Variants in HABP4 observed in about 807,000 individuals in gnomAD.
HABP4 encodes the protein intracellular hyaluronan-binding protein 4.
Under a neutral mutation model 44.1 loss-of-function variants are expected in HABP4, and 32 were observed. That is an observed-to-expected ratio of 0.73 (90% confidence interval 0.55 to 0.97). The LOEUF (loss-of-function observed/expected upper bound fraction) is 0.97, where lower values mean the gene tolerates loss of function less well. Among genes scored for constraint, HABP4 ranks in the 50% least tolerant of loss-of-function variants. The probability of loss-of-function intolerance (pLI) is 0.00; values close to 1 mark genes in which losing one functional copy is unlikely to be tolerated. For missense variants in HABP4, 503 were observed against 561.9 expected (o/e 0.90, Z 1.06); for synonymous variants, 216 against 218.0 (o/e 0.99, Z 0.08).
At chr9:96,457,821 T>C (rs1022734871) in intron 1 of HABP4, among the ~76,000 whole-genome samples, 10 of 152,116 alleles carry the variant, frequency 6.6e-5, no homozygotes, top group African/African-American at 2.4e-4. Context: ...TGAGCCAAGA[T>C]TAAACAGTGC....
Position 96,488,219 on chromosome 9 carries a change from G to A in HABP4, c.1130G>A (p.Gly377Glu), listed in dbSNP as rs1419089710. The change falls in exon 7 of 8, where the codon GGA (glycine) becomes GAA (glutamate). Residue 377 changes from glycine to glutamate, a missense_variant. Physicochemically the swap from Gly to Glu is moderately conservative, Grantham distance 98. This residue lies in a region of HABP4 where 82 missense variants were observed against 71.6 expected (regional missense o/e 1.15). Coordinates refer to ENST00000375249, the MANE Select transcript of HABP4 (RefSeq NM_014282.4). This position sits in a 1 kb window ranked among gnomAD's most constrained non-coding sequence, Gnocchi z 4.6. ...PGRGARGGTRGGRGRIRRAEN... is the reference protein window; with the variant it reads ...PGRGARGGTREGRGRIRRAEN... ...CGTGGAGCCAGAGGAGGCACCCGGG[G>A]AGGCCGGGGAAGGATCAGGAGGGCA... 5.0e-6 allele frequency: 8 copies of A among 1,613,762 alleles called. No individual in the cohort carries two copies. The highest frequency in any genetic ancestry group is 6.8e-6 in the Non-Finnish European group (8 of 1,179,758).
rs186214287 is a variant in HABP4 at position 96,477,553 on chromosome 9, T to A, written c.827+6459T>A. Among the ~76,000 whole-genome samples, 230 of 152,332 alleles carry A rather than the reference T, an allele frequency of 1.5e-3. 2 individuals are homozygous for A. The East Asian group carries it at 0.033, about 22-fold the overall frequency. ...TACCATTACTCCATTAAATTTTTTT[T>A]AATATACTTGATATCATTAATTCCA... On this transcript the variant is annotated intron_variant, in intron 5 of 7. Coordinates refer to ENST00000375249, the MANE Select transcript of HABP4 (RefSeq NM_014282.4).
intron 2 of HABP4, among the ~76,000 whole-genome samples, chr9:96,459,486 T>C (rs1482158099): frequency 1.3e-5 from 2 of 152,178 alleles, no homozygotes; most frequent in East Asian, 3.9e-4. Flanking sequence ...GTCTTATGTT[T>C]GGCACTTGCT....
At chr9:96,456,777 A>T (rs1202958466) in intron 1 of HABP4, among the ~76,000 whole-genome samples, 9 of 64,452 alleles carry the variant, frequency 1.4e-4, no homozygotes, top group Non-Finnish European at 2.5e-4. Context: ...AAAAAAAAAA[A>T]AAAATATATA....
chr9:96,461,797 C>T (rs562552419), intron 2 of HABP4, among the ~76,000 whole-genome samples: 1 of 152,236 alleles, frequency 6.6e-6, no homozygotes, highest in Admixed American at 6.5e-5. Flanking sequence ...CAAGGTGACA[C>T]CCTTTTTCAC....
intron 5 of HABP4, 184 bp from the exon 6 acceptor site, chr9:96,484,278 G>A: frequency 1.9e-6 from 1 of 520,884 alleles, no homozygotes; most frequent in Non-Finnish European, 3.4e-6. Flanking sequence ...TGTTGGCAGT[G>A]ATGACATAAA....
chr9:96,450,436 C>A lies in HABP4; in HGVS notation c.157C>A (p.Leu53Met). ...GGCCGAGCGCCGGCGCCAGCAGCAGCTGCAGCGCAAGAGGCGCGACGAGGC... is the reference window on the plus strand; with the variant it reads ...GGCCGAGCGCCGGCGCCAGCAGCAGATGCAGCGCAAGAGGCGCGACGAGGC... Reference protein sequence around the residue: ...REAERRRQQQLQRKRRDEAAA... With the variant: ...REAERRRQQQMQRKRRDEAAA... The change falls in exon 1 of 8, where the codon CTG becomes ATG. Residue 53 changes from leucine to methionine, a missense_variant. Transcript: ENST00000375249. The surrounding 1 kb of genome is among the most constrained non-coding windows in gnomAD (Gnocchi z 4.8). 1 of 1,337,922 alleles carries A rather than the reference C, an allele frequency of 7.5e-7. No individual in the cohort carries two copies. Among genetic ancestry groups the A allele is most frequent in the Non-Finnish European group, 9.7e-7 (1 of 1,028,766 alleles). The allele number at this position is 1,337,922 out of a possible 1,614,324, so 82.9% of individuals were successfully genotyped here. A position where few individuals can be genotyped will look rare whatever the true frequency, so the allele number is the denominator to read the frequency against.
chr9:96,489,033 A>T (rs1320064516), intron 7 of HABP4, among the ~76,000 whole-genome samples: 1 of 152,020 alleles, frequency 6.6e-6, no homozygotes, highest in Non-Finnish European at 1.5e-5. Flanking sequence ...ATTGGAAATC[A>T]GCCCCGAGGC....
intron 1 of HABP4, among the ~76,000 whole-genome samples, chr9:96,456,734 T>C (rs1311633939): frequency 8.7e-6 from 1 of 115,132 alleles, no homozygotes; most frequent in Non-Finnish European, 1.6e-5. Flanking sequence ...TACTCCAGCC[T>C]GGGCAACAGA....
intron 5 of HABP4, 36 bp downstream of exon 5, chr9:96,471,130 G>A: frequency 9.3e-7 from 1 of 1,076,242 alleles, no homozygotes; most frequent in Non-Finnish European, 1.4e-6. Flanking sequence ...TGTGGTGTTG[G>A]TTCTCTTCTT....
chr9:96,484,697 C>G, intron 6 of HABP4, 64 bp downstream of exon 6: 1 of 869,360 alleles, frequency 1.2e-6, no homozygotes, highest in Non-Finnish European at 1.9e-6. Flanking sequence ...GTGAAATGTA[C>G]CTTTCCACTT....
At chr9:96,450,164 A>C (rs1318333823), upstream of HABP4, 32 of 988,312 alleles carry the variant, frequency 3.2e-5, no homozygotes, top group Admixed American at 1.0e-4. The surrounding 1 kb of genome is among the most constrained non-coding windows in gnomAD (Gnocchi z 4.8). Context: ...GGGGCCGGAC[A>C]GGGTAGGGCC....
At chr9:96,476,447 TCA>T (rs1832787686) in intron 5 of HABP4, among the ~76,000 whole-genome samples, 1 of 152,252 alleles carries the variant, frequency 6.6e-6, no homozygotes, top group African/African-American at 2.4e-5. Context: ...ATAGCATTAT[TCA>T]CATTACCATA....
At chr9:96,456,954 T>TA (rs1339381442) in intron 1 of HABP4, among the ~76,000 whole-genome samples, 1 of 151,230 alleles carries the variant, frequency 6.6e-6, no homozygotes, top group Non-Finnish European at 1.5e-5. Context: ...TAAAAAAAGA[T>TA]AGACTTTTTT....
At chr9:96,471,446 T>G (rs1832697091) in intron 5 of HABP4, among the ~76,000 whole-genome samples, 1 of 152,156 alleles carries the variant, frequency 6.6e-6, no homozygotes, top group Admixed American at 6.5e-5. Context: ...TGGCCTTTCT[T>G]GATGATTTCT....
In HABP4 at chr9:96,460,378, G is replaced by C. The variant is rs181240196; in HGVS notation, c.512+1837G>C. Among the ~76,000 whole-genome samples, 427 of 151,948 alleles carry C rather than the reference G, an allele frequency of 2.8e-3. 2 individuals are homozygous for C. Among genetic ancestry groups the C allele is most frequent in the South Asian group, 3.3e-3 (16 of 4,802 alleles). On this transcript the variant is annotated intron_variant, in intron 2 of 7. Coordinates refer to ENST00000375249, the MANE Select transcript of HABP4 (RefSeq NM_014282.4). ...CCACCACACCACACAGCCTTTCTTT[G>C]TTATTTGAGAATAAGGTGTAGGAAT...
intron 5 of HABP4, among the ~76,000 whole-genome samples, chr9:96,481,217 TGGGATTACA>T: frequency 6.6e-6 from 1 of 152,182 alleles, no homozygotes; most frequent in South Asian, 2.1e-4. Context: ...CCCGAGTAGC[TGGGATTACA>T]GGGATTACAG....
At chr9:96,457,469 T>G (rs1169770615) in intron 1 of HABP4, among the ~76,000 whole-genome samples, 1 of 152,218 alleles carries the variant, frequency 6.6e-6, no homozygotes, top group African/African-American at 2.4e-5. Flanking sequence ...CAAATAGCAG[T>G]GTTTGGTTCA....
chr9:96,460,687 G>A (rs983280323), intron 2 of HABP4, among the ~76,000 whole-genome samples: 4 of 152,200 alleles, frequency 2.6e-5, no homozygotes, highest in African/African-American at 7.2e-5. Flanking sequence ...TGTAGAGTAT[G>A]AGCCAGTTAT....
Sources: allele counts gnomAD v4.1 joint callset (sites outside exome capture counted in the v4.1 genomes callset), GRCh38; gene constraint gnomAD v4.1.1; regional missense constraint gnomAD v4.1.1; non-coding constraint Gnocchi (gnomAD v3.1); transcripts MANE v1.5; gene names NCBI Gene and HGNC (gene_info 2026-07-23, HGNC 2026-07-21).